Variants in CUX1 observed in about 807,000 individuals in gnomAD.
The protein encoded by CUX1 is cut like homeobox 1, also known as protein CASP.
CUX1 carries 31 observed loss-of-function variants against 158.8 expected under a neutral mutation model. That is an observed-to-expected ratio of 0.20 (90% CI 0.15 to 0.26). The LOEUF is 0.26. Ranked by LOEUF, CUX1 falls within the 10% of genes least tolerant of loss-of-function variation. CUX1 has a pLI of 1.00. For synonymous variants in CUX1, 879 were observed against 862.1 expected (o/e 1.02, Z -0.34); for missense variants, 1,589 against 2,014.6 (o/e 0.79, Z 4.04).
intron 1 of CUX1, among the ~76,000 whole-genome samples, chr7:101,901,912 A>G (rs1054104893): frequency 3.3e-5 from 5 of 152,274 alleles, no homozygotes; most frequent in Non-Finnish European, 5.9e-5. Context: ...TTTTCAGCAG[A>G]CAGAAATGTT....
chr7:101,987,668 C>T (rs893934165), intron 2 of CUX1, among the ~76,000 whole-genome samples: 4 of 152,208 alleles, frequency 2.6e-5, no homozygotes, highest in Admixed American at 6.5e-5. Flanking sequence ...TTGCCTTTCC[C>T]GGCCGCTGCG....
In CUX1 at chr7:102,256,734, A is replaced by G. The variant is rs1789929739; in HGVS notation, c.*7692A>G. ...CCCAAAGCCTCCTAGAGCCTCTGGT[A>G]AGACTTCTGGGTTCATGAAGTTTCG... is the stretch of plus-strand genomic sequence containing the variant. On this transcript the variant is annotated 3_prime_UTR_variant, in exon 24 of 24. Transcript: ENST00000292535. 2.0e-6 allele frequency: 2 copies of G among 985,348 alleles called. No homozygotes were observed. The highest frequency in any genetic ancestry group is 2.4e-6 in the Non-Finnish European group (2 of 829,942). 61.0% of individuals were successfully genotyped at this position (985,348 alleles called of 1,614,324 possible).
At chr7:101,967,750 A>G (rs1337935210) in intron 2 of CUX1, among the ~76,000 whole-genome samples, 1 of 152,176 alleles carries the variant, frequency 6.6e-6, no homozygotes, top group Non-Finnish European at 1.5e-5. Context: ...ATCAGAATTT[A>G]TCCTAGACAA....
intron 20 of CUX1, among the ~76,000 whole-genome samples, chr7:102,281,619 C>T (rs1438400943): frequency 6.6e-6 from 1 of 151,948 alleles, no homozygotes; most frequent in Non-Finnish European, 1.5e-5. Flanking sequence ...GCCAAGATCA[C>T]ACCACTGCAC....
intron 6 of CUX1, among the ~76,000 whole-genome samples, chr7:102,110,136 C>G (rs1830730957): frequency 6.6e-6 from 1 of 152,176 alleles, no homozygotes; most frequent in Admixed American, 6.5e-5. Context: ...ATATTAAACA[C>G]TTCTATTTCA....
At chr7:102,050,470 G>T (rs1823360807) in intron 3 of CUX1, among the ~76,000 whole-genome samples, 1 of 152,114 alleles carries the variant, frequency 6.6e-6, no homozygotes, top group African/African-American at 2.4e-5. Context: ...GGGGCTGGTG[G>T]TTCCAAATTT....
At position 102,197,375 on chromosome 7, in the gene CUX1, C is replaced by T. The variant is rs1202760315; in HGVS notation, c.1894+70C>T. The T allele has an allele frequency of 1.2e-5, 18 of 1,478,478 alleles. No homozygotes were observed. The Middle Eastern group carries it at 9.0e-4, about 74-fold the overall frequency. 91.6% of individuals were successfully genotyped at this position (1,478,478 alleles called of 1,614,324 possible). On this transcript the variant is annotated intron_variant, in intron 15 of 23. Coordinates refer to ENST00000292535, the MANE Select transcript of CUX1 (RefSeq NM_181552.4). ...AGAGTTGCACATGTGTGTGTGCATGCGTGCGTGTGTCTGTGTGCGTGATGA... is the reference window on the plus strand; with the variant it reads ...AGAGTTGCACATGTGTGTGTGCATGTGTGCGTGTGTCTGTGTGCGTGATGA...
intron 3 of CUX1, among the ~76,000 whole-genome samples, chr7:102,063,715 A>G (rs1188803188): frequency 6.6e-6 from 1 of 152,098 alleles, no homozygotes; most frequent in Non-Finnish European, 1.5e-5. Context: ...CATATTGAGC[A>G]TTTTCATAAA....
chr7:102,020,226 A>G (rs999123209), intron 2 of CUX1, among the ~76,000 whole-genome samples: 3 of 152,226 alleles, frequency 2.0e-5, no homozygotes, highest in Non-Finnish European at 4.4e-5. Flanking sequence ...ACCCTTTTCT[A>G]TCACAAGGAC....
At chr7:101,932,718 C>T (rs1011906247) in intron 2 of CUX1, 3 of 405,860 alleles carry the variant, frequency 7.4e-6, no homozygotes, top group South Asian at 1.7e-5. Context: ...GTATTTCATA[C>T]GTATTTAAAT....
chr7:101,969,289 C>T (rs1437371204), intron 2 of CUX1, among the ~76,000 whole-genome samples: 2 of 147,904 alleles, frequency 1.4e-5, no homozygotes, highest in African/African-American at 2.5e-5. Flanking sequence ...GAGCCAAGAT[C>T]GTGCCACTGC....
intron 18 of CUX1, 111 bp downstream of exon 18, chr7:102,202,315 A>G (rs527523071): frequency 7.1e-7 from 1 of 1,410,444 alleles, no homozygotes; most frequent in Non-Finnish European, 9.5e-7. Flanking sequence ...ACCCAAGAGC[A>G]GAGCGTAAGG....
At chr7:101,901,098 G>A (rs1584927063) in intron 1 of CUX1, among the ~76,000 whole-genome samples, 1 of 152,052 alleles carries the variant, frequency 6.6e-6, no homozygotes, top group Non-Finnish European at 1.5e-5. Flanking sequence ...TTGGTGACTT[G>A]CTCAAGTTCC....
chr7:102,116,570 A>G (rs1358218988), intron 8 of CUX1, among the ~76,000 whole-genome samples: 1 of 152,122 alleles, frequency 6.6e-6, no homozygotes, highest in African/African-American at 2.4e-5. Context: ...ACGTGAACCC[A>G]GGAGTTGAGG....
rs1315236058 is a variant in CUX1, at chr7:102,257,987, A to G, written c.*8945A>G. 1.1e-5 allele frequency: 11 copies of G among 960,520 alleles called. No individual in the cohort carries two copies. Among genetic ancestry groups the G allele is most frequent in the Non-Finnish European group, 1.3e-5 (11 of 824,428 alleles). The allele number at this position is 960,520 out of a possible 1,614,324, so 59.5% of individuals were successfully genotyped here. ...CTCTGGTAACATTTTATTTCTTGCTATTTGTTTTTCTACATTAAGAGTCAA... is the reference window on the plus strand; with the variant it reads ...CTCTGGTAACATTTTATTTCTTGCTGTTTGTTTTTCTACATTAAGAGTCAA... On this transcript the variant is annotated 3_prime_UTR_variant, in exon 24 of 24. Transcript: ENST00000292535.
chr7:101,868,694 G>A (rs979537208), intron 1 of CUX1, among the ~76,000 whole-genome samples: 1 of 152,160 alleles, frequency 6.6e-6, no homozygotes, highest in East Asian at 1.9e-4. Context: ...ACCATCAGCC[G>A]CAAAGCTCAG....
At chr7:102,115,514 T>G (rs921457823) in intron 8 of CUX1, 1 of 410,596 alleles carries the variant, frequency 2.4e-6, no homozygotes, top group African/African-American at 2.1e-5. Context: ...CCATGAAAAT[T>G]TGGGAGTTAG....
In CUX1 at chr7:101,817,770, G is replaced by T; in HGVS notation, c.30+101G>T. On this transcript the variant is annotated intron_variant, in intron 1 of 23. Coordinates refer to ENST00000292535, the MANE Select transcript of CUX1 (RefSeq NM_181552.4). This position sits in a 1 kb window ranked among gnomAD's most constrained non-coding sequence, Gnocchi z 4.1. ...CCCGCGGCTTAGAATGCTCTAGGGC[G>T]GCCTGGTGCTCTGGGAGGGGATAGG... The T allele has an allele frequency of 7.0e-7, 1 of 1,429,338 alleles. No individual in the cohort carries two copies. Among genetic ancestry groups the T allele is most frequent in the East Asian group, 2.6e-5 (1 of 38,952 alleles). The allele number at this position is 1,429,338 out of a possible 1,614,324, so 88.5% of individuals were successfully genotyped here. A position where few individuals can be genotyped will look rare whatever the true frequency, so the allele number is the denominator to read the frequency against.
chr7:102,039,460 C>T (rs1821802783), intron 3 of CUX1, among the ~76,000 whole-genome samples: 2 of 152,082 alleles, frequency 1.3e-5, no homozygotes, highest in African/African-American at 4.8e-5. Flanking sequence ...TCCAGACCAG[C>T]CTTGGCAACG....
Sources: gnomAD v4.1 joint callset for allele counts (sites outside exome capture counted in the v4.1 genomes callset) on GRCh38, gnomAD v4.1.1 for gene constraint, Gnocchi (gnomAD v3.1) non-coding constraint, MANE v1.5 for transcripts, NCBI Gene and HGNC (gene_info 2026-07-23, HGNC 2026-07-21) for gene names.